The following SELENOF variants were observed in gnomAD, a reference collection of about 807,000 sequenced individuals.
The protein encoded by SELENOF is 15 kDa selenoprotein.
A neutral mutation model predicts 20.5 loss-of-function variants in SELENOF; 16 were observed. The observed-to-expected ratio is 0.78, with a 90% CI of 0.53 to 1.19. The LOEUF is 1.19. SELENOF is among the 50% of genes most tolerant of loss of function. The pLI is 0.00. For synonymous variants in SELENOF, 78 were observed against 74.5 expected (o/e 1.05, Z -0.24); for missense variants, 215 against 194.2 (o/e 1.11, Z -0.64).
chr1:86,894,965 T>C (rs1005825787), intron 2 of SELENOF, among the ~76,000 whole-genome samples: 4 of 152,216 alleles, frequency 2.6e-5, no homozygotes, highest in African/African-American at 9.6e-5. Flanking sequence ...CAATCTTTCA[T>C]ACATTTTCAA....
At chr1:86,905,382 A>C (rs1257123572) in intron 1 of SELENOF, among the ~76,000 whole-genome samples, 1 of 152,170 alleles carries the variant, frequency 6.6e-6, no homozygotes, top group Non-Finnish European at 1.5e-5. Context: ...CCTATATTTA[A>C]GGTTCTGTTT....
At chr1:86,906,033 A>G (rs545962096) in intron 1 of SELENOF, among the ~76,000 whole-genome samples, 1 of 152,320 alleles carries the variant, frequency 6.6e-6, no homozygotes, top group Admixed American at 6.5e-5. Context: ...TTTCCCAATG[A>G]AAAGAAAATT....
At chr1:86,905,916 G>C (rs995914446) in intron 1 of SELENOF, among the ~76,000 whole-genome samples, 1 of 152,130 alleles carries the variant, frequency 6.6e-6, no homozygotes, top group Non-Finnish European at 1.5e-5. Flanking sequence ...GCTTCATTTT[G>C]TTATGTTAAT....
intron 2 of SELENOF, chr1:86,887,103 T>C: frequency 6.8e-7 from 1 of 1,465,518 alleles, no homozygotes; most frequent in South Asian, 1.5e-5. Context: ...AAATTTGCTG[T>C]TCATCTTCAA....
Position 86,862,460 on chromosome 1 carries a change from T to C in SELENOF, c.*1014A>G, listed in dbSNP as rs920883822. The C allele has an allele frequency of 6.6e-6, 1 of 152,124 alleles. No individual in the cohort carries two copies. The highest frequency in any genetic ancestry group is 1.5e-5 in the Non-Finnish European group (1 of 68,010). The allele number at this position is 152,124 out of a possible 1,614,324, so 9.4% of individuals were successfully genotyped here. On this transcript the variant is annotated 3_prime_UTR_variant, in exon 5 of 5. Transcript: ENST00000331835. ...ACACAGAAGGTTAAGCAAAGAAAAA[T>C]CATTTTTAATATAAAAATTCTATAT...
chr1:86,901,711 T>C (rs1407455197), intron 2 of SELENOF, among the ~76,000 whole-genome samples: 1 of 152,216 alleles, frequency 6.6e-6, no homozygotes, highest in Non-Finnish European at 1.5e-5. Flanking sequence ...TGAATAGGAA[T>C]ATAATTAATT....
chr1:86,897,474 T>C (rs1489964619), intron 2 of SELENOF, among the ~76,000 whole-genome samples: 1 of 152,104 alleles, frequency 6.6e-6, no homozygotes, highest in East Asian at 1.9e-4. Context: ...TCTAAGAAGA[T>C]GGGAAGCTGA....
intron 3 of SELENOF, among the ~76,000 whole-genome samples, chr1:86,871,809 ATAT>A (rs200337112): frequency 7.1e-6 from 1 of 140,906 alleles, no homozygotes; most frequent in Admixed American, 6.8e-5. Context: ...TGAATACATA[ATAT>A]TATTTGTTGT....
chr1:86,910,297 G>A (rs1441172532), intron 1 of SELENOF, among the ~76,000 whole-genome samples: 1 of 152,206 alleles, frequency 6.6e-6, no homozygotes, highest in Non-Finnish European at 1.5e-5. Context: ...ATATTTGGTG[G>A]AATGGTGTGG....
chr1:86,867,732 A>G lies in SELENOF; in HGVS notation c.366+321T>C, dbSNP rs1051821947. On this transcript the variant is annotated intron_variant, in intron 4 of 4. Coordinates refer to ENST00000331835, the MANE Select transcript of SELENOF (RefSeq NM_004261.5). ...ACTATTAAATTTAATTAATATATCA[A>G]TATTGATTCATCAATTGTAACAAAT... Among the ~76,000 whole-genome samples, 3 of 144,952 alleles carry G rather than the reference A, an allele frequency of 2.1e-5. No individual in the cohort carries two copies. The Admixed American group carries it at 2.1e-4, about 10-fold the overall frequency.
intron 1 of SELENOF, among the ~76,000 whole-genome samples, chr1:86,910,885 A>G (rs1659963437): frequency 6.6e-6 from 1 of 152,198 alleles, no homozygotes; most frequent in African/African-American, 2.4e-5. Flanking sequence ...ATAGAGCTCT[A>G]TGAAGGTAAC....
chr1:86,881,297 T>C (rs1249256457), intron 2 of SELENOF, among the ~76,000 whole-genome samples: 1 of 152,084 alleles, frequency 6.6e-6, no homozygotes, highest in Non-Finnish European at 1.5e-5. Context: ...GATTCAATGG[T>C]AAGTATCTCT....
At chr1:86,898,776 G>GT (rs201495558) in intron 2 of SELENOF, among the ~76,000 whole-genome samples, 4 of 145,682 alleles carry the variant, frequency 2.7e-5, no homozygotes, top group Admixed American at 6.8e-5. Flanking sequence ...TTGTTTGTTT[G>GT]TTTTTTTTAA....
chr1:86,893,086 A>G (rs1031125698), intron 2 of SELENOF, among the ~76,000 whole-genome samples: 3 of 152,232 alleles, frequency 2.0e-5, no homozygotes, highest in Admixed American at 6.5e-5. Flanking sequence ...TCGCCAGTTA[A>G]CGGTAGGCAG....
At chr1:86,902,510 T>C (rs909265717) in intron 2 of SELENOF, among the ~76,000 whole-genome samples, 1 of 152,216 alleles carries the variant, frequency 6.6e-6, no homozygotes, top group Non-Finnish European at 1.5e-5. Context: ...GAATTCAGCA[T>C]GTACAAGTCA....
At chr1:86,894,564 G>T (rs1044621583) in intron 2 of SELENOF, among the ~76,000 whole-genome samples, 2 of 152,118 alleles carry the variant, frequency 1.3e-5, no homozygotes, top group African/African-American at 2.4e-5. Flanking sequence ...GGACAACTGG[G>T]TGTGTTGGTT....
intron 2 of SELENOF, among the ~76,000 whole-genome samples, chr1:86,885,991 C>A (rs1262304007): frequency 6.6e-6 from 1 of 152,112 alleles, no homozygotes; most frequent in Non-Finnish European, 1.5e-5. Context: ...GTACGTGAGG[C>A]CATTATCATG....
At chr1:86,905,157 C>T (rs998518513) in intron 1 of SELENOF, among the ~76,000 whole-genome samples, 3 of 151,634 alleles carry the variant, frequency 2.0e-5, no homozygotes, top group East Asian at 1.9e-4. Flanking sequence ...ATCCTACTGA[C>T]CTACACTCCA....
At chr1:86,911,006 T>A (rs761126338) in intron 1 of SELENOF, among the ~76,000 whole-genome samples, 1 of 152,254 alleles carries the variant, frequency 6.6e-6, no homozygotes, top group Non-Finnish European at 1.5e-5. Context: ...ACATCAAGTA[T>A]AGTACTACTC....
Sources: allele counts gnomAD v4.1 joint callset (sites outside exome capture counted in the v4.1 genomes callset), GRCh38; gene constraint gnomAD v4.1.1; transcripts MANE v1.5; gene names NCBI Gene and HGNC (gene_info 2026-07-23, HGNC 2026-07-21).